Variants in ORC4 observed in about 807,000 individuals in gnomAD.
The protein encoded by ORC4 is origin recognition complex subunit 4.
A neutral mutation model predicts 63.9 loss-of-function variants in ORC4; 55 were observed. The observed-to-expected ratio is 0.86, with a 90% CI of 0.69 to 1.08. The LOEUF is 1.08. ORC4 is among the 50% of genes least tolerant of loss of function. The pLI, the probability that ORC4 is intolerant of heterozygous loss-of-function variation, is 0.00. For missense variants in ORC4, 511 were observed against 504.4 expected (o/e 1.01, Z -0.13); for synonymous variants, 150 against 168.5 (o/e 0.89, Z 0.85).
chr2:147,973,503 T>C lies in ORC4; in HGVS notation c.79A>G (p.Arg27Gly). ...LSQVQRILRE[R>G]FCRQSPHSNL... ...CTATGTGGACTCTGACGACAAAATC[T>C]TTCACGTAAAATTCTTTGTACCTGA... The change falls in exon 3 of 14, where the codon AGA (arginine) becomes GGA (glycine). Residue 27 changes from arginine to glycine, a missense_variant. Coordinates refer to ENST00000392857, the MANE Select transcript of ORC4 (RefSeq NM_181741.4). 1 of 1,599,742 alleles carries C rather than the reference T, an allele frequency of 6.3e-7. No homozygotes were observed.
intron 9 of ORC4, among the ~76,000 whole-genome samples, chr2:147,944,602 A>G (rs1452535954): frequency 6.6e-6 from 1 of 151,914 alleles, no homozygotes; most frequent in Non-Finnish European, 1.5e-5. Flanking sequence ...GATTAGATGA[A>G]AAAAGAGTAA....
chr2:147,987,985 G>A (rs1257128047), intron 1 of ORC4, among the ~76,000 whole-genome samples: 1 of 151,014 alleles, frequency 6.6e-6, no homozygotes, highest in African/African-American at 2.4e-5. Flanking sequence ...CCCGGGAGGC[G>A]GAGCTTGCAG....
At chr2:147,968,739 T>C (rs1238828357) in intron 4 of ORC4, among the ~76,000 whole-genome samples, 1 of 151,994 alleles carries the variant, frequency 6.6e-6, no homozygotes, top group Non-Finnish European at 1.5e-5. Flanking sequence ...CAAAAACCAC[T>C]ACAAATAGAA....
At chr2:147,936,314 C>G (rs931012903) in intron 13 of ORC4, 1 of 153,080 alleles carries the variant, frequency 6.5e-6, no homozygotes, top group African/African-American at 2.4e-5. Context: ...TTCCATCTTC[C>G]CCATCTTAAT....
Position 148,012,237 on chromosome 2 carries a change from G to A in ORC4, c.-18+8396C>T, listed in dbSNP as rs142989832. Among the ~76,000 whole-genome samples the A allele has an allele frequency of 2.5e-3, 376 of 152,266 alleles. 2 individuals carry two copies. Among genetic ancestry groups the A allele is most frequent in the African/African-American group, 8.4e-3 (347 of 41,550 alleles). ...AACGCTATAGTAACCAAAATAGCAC[G>A]ATAGTGGCATAAAAACAGACATGTA... On this transcript the variant is annotated intron_variant, in intron 1 of 13. Coordinates refer to ENST00000392857, the MANE Select transcript of ORC4 (RefSeq NM_181741.4).
chr2:147,957,221 TATA>T (rs1397650797), intron 6 of ORC4, among the ~76,000 whole-genome samples: 5 of 146,516 alleles, frequency 3.4e-5, no homozygotes, highest in South Asian at 2.1e-4. Flanking sequence ...ACATAGATTA[TATA>T]ATTATATAAT....
chr2:147,955,332 T>C lies in ORC4; in HGVS notation c.436+15A>G. On this transcript the variant is annotated intron_variant, in intron 7 of 13. Coordinates refer to ENST00000392857, the MANE Select transcript of ORC4 (RefSeq NM_181741.4). Reference sequence around the variant, plus strand: ...AAACAGATCTTCTGAAACGGCTGAATATGTTAATATTTACCTTTTTTTAAA... The same window carrying C: ...AAACAGATCTTCTGAAACGGCTGAACATGTTAATATTTACCTTTTTTTAAA... The C allele has an allele frequency of 6.4e-7, 1 of 1,562,938 alleles. No homozygotes were observed. Among genetic ancestry groups the C allele is most frequent in the South Asian group, 1.1e-5 (1 of 88,930 alleles).
At chr2:148,021,478 C>T (rs1267063060), upstream of ORC4, 9 of 576,716 alleles carry the variant, frequency 1.6e-5, no homozygotes, top group Non-Finnish European at 2.0e-5. Flanking sequence ...GCTGCTGCTG[C>T]TGTTGCTGCT....
intron 1 of ORC4, among the ~76,000 whole-genome samples, chr2:147,978,118 T>C (rs1373330171): frequency 6.6e-6 from 1 of 152,156 alleles, no homozygotes; most frequent in African/African-American, 2.4e-5. Context: ...TCCAGGATGC[T>C]GGGTAGGCAG....
At chr2:147,978,475 G>T (rs546376918) in intron 1 of ORC4, among the ~76,000 whole-genome samples, 1 of 152,324 alleles carries the variant, frequency 6.6e-6, no homozygotes, top group South Asian at 2.1e-4. Flanking sequence ...AGTATTTAAT[G>T]CAGGACCAAG....
intron 1 of ORC4, among the ~76,000 whole-genome samples, chr2:147,993,678 T>G (rs920548501): frequency 3.3e-5 from 5 of 152,130 alleles, no homozygotes; most frequent in Non-Finnish European, 5.9e-5. Context: ...TTTAGACAGT[T>G]GTGCTTTTTG....
In ORC4 at chr2:147,975,988, T is replaced by C. The variant is rs769917904; in HGVS notation, c.-17-13A>G. On this transcript the variant is annotated splice_polypyrimidine_tract_variant and intron_variant, in intron 1 of 13. Coordinates refer to ENST00000392857, the MANE Select transcript of ORC4 (RefSeq NM_181741.4). ...ACAAATTCAAATCCTTTAAAAAAATTGGCATAAATATTATAAACGTAGTGA... is the reference window on the plus strand; with the variant it reads ...ACAAATTCAAATCCTTTAAAAAAATCGGCATAAATATTATAAACGTAGTGA... 7.6e-7 allele frequency: 1 copy of C among 1,321,206 alleles called. No homozygotes were observed. The highest frequency in any genetic ancestry group is 1.2e-5 in the South Asian group (1 of 85,066). 81.8% of individuals were successfully genotyped at this position (1,321,206 alleles called of 1,614,324 possible). A position where few individuals can be genotyped will look rare whatever the true frequency, so the allele number is the denominator to read the frequency against.
In ORC4 at chr2:147,985,183, ACTCT is replaced by A. The variant is rs1271576680; in HGVS notation, c.-17-9212_-17-9209del. Among the ~76,000 whole-genome samples, 8 of 151,684 alleles carry A rather than the reference ACTCT, an allele frequency of 5.3e-5. No homozygotes were observed. In the East Asian group the frequency reaches 1.2e-3, roughly 22 times the overall value. On this transcript the variant is annotated intron_variant, in intron 1 of 13. Coordinates refer to ENST00000392857, the MANE Select transcript of ORC4 (RefSeq NM_181741.4). ...AACAATAATGATAACTATTCAGTAA[ACTCT>A]CTGTTTTTTTTGTTTTTTTGTTTTT...
intron 1 of ORC4, among the ~76,000 whole-genome samples, chr2:148,018,068 G>A (rs1453181256): frequency 6.6e-6 from 1 of 152,008 alleles, no homozygotes; most frequent in African/African-American, 2.4e-5. Context: ...AAATCCCTGA[G>A]TAAAACAGAC....
rs1687663268 is a variant in ORC4, at chr2:147,930,613, A to G, written c.*4897T>C. On this transcript the variant is annotated 3_prime_UTR_variant, in exon 14 of 14. Coordinates refer to ENST00000392857, the MANE Select transcript of ORC4 (RefSeq NM_181741.4). ...CCTCTCAGAATATTGGTAAGCAGTT[A>G]TTTTCGCTTTACTCTGTATTTCTTG... 6.6e-6 allele frequency: 1 copy of G among 152,136 alleles called. No individual in the cohort carries two copies. Among genetic ancestry groups the G allele is most frequent in the East Asian group, 1.9e-4 (1 of 5,178 alleles). The allele number at this position is 152,136 out of a possible 1,614,324, so 9.4% of individuals were successfully genotyped here.
chr2:147,989,687 A>AT (rs373730539), intron 1 of ORC4, among the ~76,000 whole-genome samples: 3 of 152,060 alleles, frequency 2.0e-5, no homozygotes, highest in Non-Finnish European at 4.4e-5. Context: ...CCACCAGGGC[A>AT]ATAGGGCGAG....
intron 1 of ORC4, among the ~76,000 whole-genome samples, chr2:148,012,357 G>A (rs1031693341): frequency 6.6e-6 from 1 of 152,168 alleles, no homozygotes; most frequent in East Asian, 1.9e-4. Context: ...GGAAAGGACA[G>A]TCTCTTCAAT....
chr2:147,976,768 C>G (rs1415357705), intron 1 of ORC4, among the ~76,000 whole-genome samples: 2 of 151,960 alleles, frequency 1.3e-5, no homozygotes, highest in East Asian at 1.9e-4. Context: ...TTATTTTAAA[C>G]AAAATTGTCT....
At chr2:147,975,320 C>T (rs751530546) in intron 2 of ORC4, among the ~76,000 whole-genome samples, 2 of 151,984 alleles carry the variant, frequency 1.3e-5, no homozygotes, top group African/African-American at 4.8e-5. Flanking sequence ...GGAAACGTAA[C>T]GGAACTTCCT....
Sources: gnomAD v4.1 joint callset for allele counts (sites outside exome capture counted in the v4.1 genomes callset) on GRCh38, gnomAD v4.1.1 for gene constraint, MANE v1.5 for transcripts, NCBI Gene and HGNC (gene_info 2026-07-23, HGNC 2026-07-21) for gene names.